DLG2: variants seen among roughly 807,000 people sequenced by gnomAD.
DLG2 encodes discs large MAGUK scaffold protein 2, also known as disks large homolog 2.
In DLG2, 45 loss-of-function variants were observed where a neutral mutation model predicts 132.5. The observed-to-expected ratio is 0.34, with a 90% confidence interval of 0.27 to 0.44. The LOEUF is 0.44. Ranked by LOEUF, DLG2 falls within the 20% of genes least tolerant of loss-of-function variation. The pLI is 1.00. For synonymous variants in DLG2, 424 were observed against 419.6 expected, an observed-to-expected ratio of 1.01 and a Z score of -0.13; for missense variants, 1,045 against 1,196.9, an observed-to-expected ratio of 0.87 and a Z score of 1.87.
chr11:85,543,745 G>A (rs2076121642), intron 3 of DLG2, among the ~76,000 whole-genome samples: 2 of 152,164 alleles, frequency 1.3e-5, no homozygotes, highest in South Asian at 4.1e-4. Context: ...CAGTGATGAT[G>A]AGCTTTTTCT....
intron 15 of DLG2, among the ~76,000 whole-genome samples, chr11:83,890,186 G>C (rs2069325628): frequency 6.6e-6 from 1 of 152,044 alleles, no homozygotes; most frequent in Admixed American, 6.6e-5. Context: ...AATTAGAAAT[G>C]GGAAGATTTT....
At chr11:84,029,444 C>T (rs2853026) in intron 11 of DLG2, among the ~76,000 whole-genome samples, 2,555 of 151,890 alleles carry the variant, frequency 0.017, 27 homozygotes, top group Non-Finnish European at 0.025. Flanking sequence ...ATCTCAAAAG[C>T]GAGCGAAAAT....
At chr11:84,672,943 C>A (rs567801730) in intron 6 of DLG2, among the ~76,000 whole-genome samples, 3 of 152,172 alleles carry the variant, frequency 2.0e-5, no homozygotes, top group African/African-American at 7.2e-5. Flanking sequence ...AAAGCAGGAA[C>A]AGTTATGTTA....
At chr11:84,378,504 T>C (rs1023851673) in intron 7 of DLG2, among the ~76,000 whole-genome samples, 1 of 152,096 alleles carries the variant, frequency 6.6e-6, no homozygotes, top group Non-Finnish European at 1.5e-5. Flanking sequence ...AAAAAGATGA[T>C]GAGGATATTT....
intron 6 of DLG2, among the ~76,000 whole-genome samples, chr11:84,998,048 TTATTA>T (rs1474029255): frequency 6.6e-6 from 1 of 152,134 alleles, no homozygotes; most frequent in African/African-American, 2.4e-5. Context: ...TTAGATAATT[TTATTA>T]TTTCTTTTTC....
intron 6 of DLG2, among the ~76,000 whole-genome samples, chr11:84,544,919 G>A (rs2099386643): frequency 1.3e-5 from 2 of 152,166 alleles, no homozygotes; most frequent in Admixed American, 1.3e-4. Context: ...CACTTCCACA[G>A]AACAGAAACA....
intron 3 of DLG2, among the ~76,000 whole-genome samples, chr11:85,463,045 C>A (rs1195735170): frequency 6.6e-6 from 1 of 152,198 alleles, no homozygotes; most frequent in Non-Finnish European, 1.5e-5. Flanking sequence ...AGACACCAAC[C>A]ATACCAGAAC....
intron 18 of DLG2, among the ~76,000 whole-genome samples, chr11:83,634,907 A>T (rs1230618832): frequency 6.6e-6 from 1 of 152,224 alleles, no homozygotes; most frequent in East Asian, 1.9e-4. Context: ...GGTATTATCC[A>T]GATTTGGAAG....
At chr11:84,063,546 G>A (rs2096624153) in intron 10 of DLG2, among the ~76,000 whole-genome samples, 1 of 151,820 alleles carries the variant, frequency 6.6e-6, no homozygotes, top group African/African-American at 2.4e-5. Flanking sequence ...AATATTTTCT[G>A]CAGTGTGGCT....
intron 26 of DLG2, 132 bp downstream of exon 26, chr11:83,466,576 A>G: frequency 7.5e-6 from 4 of 536,066 alleles, no homozygotes. Flanking sequence ...TCTTCAAAAA[A>G]AGAGAATGCT....
intron 19 of DLG2, among the ~76,000 whole-genome samples, chr11:83,563,594 A>C (rs141624744): frequency 4.7e-4 from 72 of 152,358 alleles, no homozygotes; most frequent in African/African-American, 1.6e-3. Context: ...ACTTTTATAT[A>C]GCAACTACTA....
chr11:84,043,802 A>G (rs1289160933), intron 11 of DLG2, among the ~76,000 whole-genome samples: 1 of 151,636 alleles, frequency 6.6e-6, no homozygotes, highest in Non-Finnish European at 1.5e-5. Flanking sequence ...TAACATATTC[A>G]TAAGTTCTGT....
intron 3 of DLG2, among the ~76,000 whole-genome samples, chr11:85,384,997 C>T (rs1443102911): frequency 1.3e-5 from 2 of 152,140 alleles, no homozygotes; most frequent in East Asian, 1.9e-4. Flanking sequence ...ATAGTGGGAG[C>T]TCAATAGATG....
intron 17 of DLG2, among the ~76,000 whole-genome samples, chr11:83,807,397 G>T (rs2046178757): frequency 6.6e-6 from 1 of 152,114 alleles, no homozygotes; most frequent in Admixed American, 6.6e-5. Context: ...TAGAATTGCT[G>T]CTCCCTGCAG....
chr11:84,707,909 G>T (rs1016256397), intron 6 of DLG2, among the ~76,000 whole-genome samples: 5 of 151,786 alleles, frequency 3.3e-5, no homozygotes, highest in African/African-American at 1.2e-4. Context: ...TGGAAGCATG[G>T]TCAGTCCCCG....
At chr11:84,316,576 A>T (rs890564524) in intron 7 of DLG2, among the ~76,000 whole-genome samples, 1 of 152,182 alleles carries the variant, frequency 6.6e-6, no homozygotes, top group Admixed American at 6.5e-5. Flanking sequence ...AAATAATATA[A>T]CCTGAGGACT....
intron 7 of DLG2, among the ~76,000 whole-genome samples, chr11:84,387,440 A>G (rs528785557): frequency 1.8e-4 from 27 of 152,182 alleles, no homozygotes; most frequent in Non-Finnish European, 3.7e-4. Context: ...ATACAGAAAA[A>G]TATTACAATC....
chr11:84,729,284 T>C (rs545423244), intron 6 of DLG2, among the ~76,000 whole-genome samples: 5 of 152,306 alleles, frequency 3.3e-5, no homozygotes, highest in African/African-American at 1.2e-4. Context: ...GTACATTGTG[T>C]CTTTGTTCTC....
chr11:84,495,546 G>A (rs2099179973), intron 7 of DLG2, among the ~76,000 whole-genome samples: 1 of 152,150 alleles, frequency 6.6e-6, no homozygotes, highest in Admixed American at 6.6e-5. Flanking sequence ...TACCTGAACA[G>A]CCACTGCTAT....
Sources: allele counts gnomAD v4.1 joint callset (sites outside exome capture counted in the v4.1 genomes callset), GRCh38; gene constraint gnomAD v4.1.1; transcripts MANE v1.5; gene names NCBI Gene and HGNC (gene_info 2026-07-23, HGNC 2026-07-21).